Variants in CAPN8 observed in about 807,000 individuals in gnomAD.
The protein encoded by CAPN8 is calpain-8.
In CAPN8, 87 loss-of-function variants were observed where a neutral mutation model predicts 80.9. The ratio of observed to expected loss-of-function variants is 1.07; its 90% confidence interval spans 0.90 to 1.28. CAPN8 has a LOEUF of 1.28. Among genes scored for constraint, CAPN8 ranks in the 50% most tolerant of loss-of-function variants. CAPN8 has a pLI of 0.00. For synonymous variants in CAPN8, 299 were observed against 273.8 expected, an observed-to-expected ratio of 1.09 and a Z score of -0.91; for missense variants, 757 against 702.0, an observed-to-expected ratio of 1.08 and a Z score of -0.89.
intron 10 of CAPN8, 125 bp downstream of exon 10, chr1:223,615,845 G>A: frequency 8.4e-7 from 1 of 1,184,728 alleles, no homozygotes; most frequent in Non-Finnish European, 1.2e-6. Context: ...GTATATAGAG[G>A]AGCAAGGACG....
intron 17 of CAPN8, 78 bp downstream of exon 17, chr1:223,545,153 A>T (rs1479415176): frequency 9.0e-6 from 14 of 1,548,242 alleles, no homozygotes; most frequent in African/African-American, 2.7e-5. Flanking sequence ...GGATGTGGTC[A>T]GAATACAATG....
intron 19 of CAPN8, 82 bp from the exon 20 acceptor site, chr1:223,543,248 C>T (rs1656520712): frequency 6.8e-7 from 1 of 1,467,680 alleles, no homozygotes. Context: ...TCTGTCTACC[C>T]CATCCCCACC....
intron 1 of CAPN8, among the ~76,000 whole-genome samples, chr1:223,658,109 C>T (rs1228074469): frequency 6.6e-6 from 1 of 152,184 alleles, no homozygotes. Flanking sequence ...CAGTAACACC[C>T]CTAAGCATTC....
rs1206397080 is a variant in CAPN8 at position 223,545,238 on chromosome 1, T to A, written c.1826A>T (p.Lys609Met). Residue 609 changes from lysine (K) to methionine (M), a missense_variant, in exon 17 of 21, where the codon AAG becomes ATG. Transcript: ENST00000366872. Reference sequence around the variant, plus strand: ...GAAGGAAAAGAGAGTTACCAGATACTTCTGAATCTTCAGCCAGAGCGTCTT... The same window carrying A: ...GAAGGAAAAGAGAGTTACCAGATACATCTGAATCTTCAGCCAGAGCGTCTT... Reference protein sequence around the residue: ...EFKTLWLKIQKYLEIYWETDY... With the variant: ...EFKTLWLKIQMYLEIYWETDY... 16 of 1,551,552 alleles carry A rather than the reference T, an allele frequency of 1.0e-5. No homozygotes were observed. Among genetic ancestry groups the A allele is most frequent in the Non-Finnish European group, 1.3e-5 (15 of 1,146,972 alleles).
At chr1:223,663,658 G>A (rs1263461668) in intron 1 of CAPN8, among the ~76,000 whole-genome samples, 2 of 152,148 alleles carry the variant, frequency 1.3e-5, no homozygotes, top group African/African-American at 4.8e-5. Flanking sequence ...CTTGAAATTA[G>A]AATAAAAACC....
At position 223,628,712 on chromosome 1, in the gene CAPN8, G is replaced by T. The variant is rs530400542; in HGVS notation, c.376C>A (p.Pro126Thr). The T allele has an allele frequency of 1.1e-5, 17 of 1,551,910 alleles. No individual in the cohort carries two copies. In the South Asian group the frequency reaches 1.9e-4, roughly 17 times the overall value. Residue 126 changes from proline (P) to threonine (T), a missense_variant, in exon 3 of 21, where the codon CCC becomes ACC. Physicochemically the swap from Pro to Thr is conservative, Grantham distance 38. Coordinates refer to ENST00000366872, the MANE Select transcript of CAPN8 (RefSeq NM_001143962.2). Reference sequence around the variant, plus strand: ...TTCTCCTGGAAGTCCTGGTCCCTGGGGACCACCCGGTAAAGCAGCTCTTCA... The same window carrying T: ...TTCTCCTGGAAGTCCTGGTCCCTGGTGACCACCCGGTAAAGCAGCTCTTCA... The part of the protein sequence containing the change: ...LNEELLYRVV[P>T]RDQDFQENYA...
intron 2 of CAPN8, among the ~76,000 whole-genome samples, chr1:223,646,335 C>A (rs971694410): frequency 6.6e-6 from 1 of 152,238 alleles, no homozygotes; most frequent in Non-Finnish European, 1.5e-5. Context: ...TGCTCTATTC[C>A]TTGGATGGCG....
intron 1 of CAPN8, among the ~76,000 whole-genome samples, chr1:223,655,845 G>T (rs778077702): frequency 6.6e-6 from 1 of 152,170 alleles, no homozygotes; most frequent in Non-Finnish European, 1.5e-5. Flanking sequence ...GCAGGACCTC[G>T]AGGGACAAAA....
chr1:223,642,957 TA>T (rs1283012314), intron 2 of CAPN8: 2 of 362,776 alleles, frequency 5.5e-6, no homozygotes, highest in African/African-American at 4.3e-5. Context: ...TAGTAAATTA[TA>T]AAAGTGGAAT....
chr1:223,549,324 C>T lies in CAPN8; in HGVS notation c.1758G>A (p.Leu586=), dbSNP rs367594044. The part of the protein sequence containing the change: ...NINTCREMIS[L]LDSNGTGTLG... ...TGCAACATTTAAAGGATACATCCAACAGACTGATCATTTCCCTGCAAGTGT... is the reference window on the plus strand; with the variant it reads ...TGCAACATTTAAAGGATACATCCAATAGACTGATCATTTCCCTGCAAGTGT... Residue 586 remains leucine, a synonymous_variant, in exon 16 of 21, where the codon CTG becomes CTA. Transcript: ENST00000366872. The T allele has an allele frequency of 1.9e-5, 29 of 1,551,136 alleles. No individual in the cohort carries two copies. The East Asian group carries it at 4.2e-4, about 22-fold the overall frequency.
rs754474505 is a variant in CAPN8, at chr1:223,541,848, G to C, written c.2100C>G (p.Cys700Trp). The C allele has an allele frequency of 1.9e-6, 3 of 1,550,244 alleles. No individual in the cohort carries two copies. Among genetic ancestry groups the C allele is most frequent in the Non-Finnish European group, 2.6e-6 (3 of 1,146,752 alleles). The part of the protein sequence containing the change: ...VQLSLAEWLC[C>W]VLV ...CCGAAACCCCGGGTCAGACCAACAC[G>C]CAGCACAGCCACTGCAAAGGAAAGG... The change falls in exon 21 of 21, where the codon TGC (cysteine) becomes TGG (tryptophan). Residue 700 changes from cysteine (C) to tryptophan (W), a missense_variant. By Grantham distance (215) the Cys-to-Trp change is radical. Transcript: ENST00000366872.
chr1:223,627,061 T>C lies in CAPN8; in HGVS notation c.657A>G (p.Lys219=). The change falls in exon 5 of 21, where the codon AAA becomes AAG. Residue 219 remains lysine (K), a synonymous_variant. Coordinates refer to ENST00000366872, the MANE Select transcript of CAPN8 (RefSeq NM_001143962.2). ...TGATCTGATATAGATTGGCTGGTGG[T>C]TTCTTCAGGTCATAAAACTCAGAGA... ...GGISEFYDLK[K]PPANLYQIIR... 6.4e-7 allele frequency: 1 copy of C among 1,551,630 alleles called. No homozygotes were observed. Among genetic ancestry groups the C allele is most frequent in the Non-Finnish European group, 8.7e-7 (1 of 1,146,962 alleles).
At chr1:223,613,777 G>A (rs1417751612) in intron 10 of CAPN8, among the ~76,000 whole-genome samples, 2 of 152,176 alleles carry the variant, frequency 1.3e-5, no homozygotes, top group African/African-American at 4.8e-5. Flanking sequence ...CCAAACTCCA[G>A]TTAAAGCAAG....
rs144294754 is a variant in CAPN8 at position 223,658,851 on chromosome 1, C to T, written c.238-4452G>A. The stretch of plus-strand genomic sequence containing the variant: ...AAATCCCCAGCTTTGCAAGGAGATT[C>T]CATCTCACTACGATGCCCAAAGAAC... On this transcript the variant is annotated intron_variant, in intron 1 of 20. Transcript: ENST00000366872. 6.0e-3 allele frequency among the ~76,000 whole-genome samples: 912 copies of T among 152,154 alleles called. 7 individuals carry two copies. Among genetic ancestry groups the T allele is most frequent in the Non-Finnish European group, 0.01 (684 of 67,972 alleles).
intron 7 of CAPN8, chr1:223,622,526 G>A (rs377188827): frequency 5.2e-4 from 237 of 452,868 alleles, no homozygotes; most frequent in African/African-American, 4.1e-3. Context: ...AGCACGGTGC[G>A]TCAGGTAAAA....
intron 17 of CAPN8, 27 bp downstream of exon 17, chr1:223,545,204 G>T: frequency 1.4e-5 from 22 of 1,551,662 alleles, no homozygotes; most frequent in Non-Finnish European, 1.9e-5. Flanking sequence ...ACAGAGGAGA[G>T]GATGCCCAGA....
At chr1:223,638,904 C>T (rs1362129870) in intron 2 of CAPN8, among the ~76,000 whole-genome samples, 1 of 152,216 alleles carries the variant, frequency 6.6e-6, no homozygotes, top group Non-Finnish European at 1.5e-5. Context: ...CCTTGCACAT[C>T]TGGAAGTTGC....
intron 5 of CAPN8, among the ~76,000 whole-genome samples, chr1:223,626,252 G>C (rs1657573738): frequency 6.6e-6 from 1 of 152,084 alleles, no homozygotes; most frequent in Admixed American, 6.6e-5. Flanking sequence ...GGTTCTCCCT[G>C]AGTGGACTCC....
intron 16 of CAPN8, among the ~76,000 whole-genome samples, chr1:223,546,099 CACG>C (rs1438979245): frequency 6.6e-6 from 1 of 150,946 alleles, no homozygotes; most frequent in African/African-American, 2.4e-5. Context: ...CCCAAAGTGC[CACG>C]ACTATTTTTT....
Sources: allele counts gnomAD v4.1 joint callset (sites outside exome capture counted in the v4.1 genomes callset), GRCh38; gene constraint gnomAD v4.1.1; transcripts MANE v1.5; gene names NCBI Gene and HGNC (gene_info 2026-07-23, HGNC 2026-07-21).